Variants in MAST2 observed in about 807,000 individuals in gnomAD.
MAST2 encodes microtubule associated serine/threonine kinase 2, also known as microtubule-associated serine/threonine-protein kinase 2.
In MAST2, 70 loss-of-function variants were observed where a neutral mutation model predicts 147.4. The observed-to-expected ratio is 0.47, with a 90% CI of 0.39 to 0.58. The LOEUF is 0.58. MAST2 is among the 20% of genes least tolerant of loss of function. MAST2 has a pLI of 0.00. For synonymous variants in MAST2, 869 were observed against 896.8 expected (o/e 0.97, Z 0.55); for missense variants, 2,080 against 2,302.3 (o/e 0.90, Z 1.98).
intron 19 of MAST2, 107 bp from the exon 20 acceptor site, chr1:46,029,724 T>C: frequency 1.4e-6 from 2 of 1,448,352 alleles, no homozygotes; most frequent in Admixed American, 1.9e-5. Flanking sequence ...ATGCTTGAGC[T>C]GATCCCCTAG....
chr1:45,962,944 G>A (rs1450091182), intron 5 of MAST2, among the ~76,000 whole-genome samples: 6 of 152,112 alleles, frequency 3.9e-5, no homozygotes, highest in African/African-American at 9.7e-5. Context: ...TTTTGTATAC[G>A]GTGTAAGGAA....
intron 10 of MAST2, among the ~76,000 whole-genome samples, chr1:46,017,343 A>G (rs951968169): frequency 3.3e-5 from 5 of 152,240 alleles, no homozygotes; most frequent in Non-Finnish European, 5.9e-5. Context: ...ATTAAACGAA[A>G]GAGCTGCTGC....
At chr1:45,804,273 T>C (rs1054331381) in intron 1 of MAST2, among the ~76,000 whole-genome samples, 3 of 150,640 alleles carry the variant, frequency 2.0e-5, no homozygotes, top group Non-Finnish European at 4.4e-5. Context: ...GAAATGGGGG[T>C]GTAGAAGAAT....
rs768061222 is a variant in MAST2, at chr1:46,035,258, G to C, written c.4589G>C (p.Ser1530Thr). ...AGCTTGGCACCTCACCCAGAAGTGAGCCAGAGTGTGGCCCCTAAAGGAGCA... is the reference window on the plus strand; with the variant it reads ...AGCTTGGCACCTCACCCAGAAGTGACCCAGAGTGTGGCCCCTAAAGGAGCA... ...ELSLAPHPEV[S>T]QSVAPKGAGE... The change falls in exon 29 of 29, where the codon AGC becomes ACC. Residue 1530 changes from serine (S) to threonine (T), a missense_variant. By Grantham distance (58) the Ser-to-Thr change is moderately conservative (BLOSUM62 1). Around this residue, in one of 4 missense-constraint regions of MAST2, gnomAD observed 1,278 missense variants for 1,304.2 expected, o/e 0.98. Transcript: ENST00000361297. This position sits in a 1 kb window ranked among gnomAD's most constrained non-coding sequence, Gnocchi z 5.5. 6.2e-7 allele frequency: 1 copy of C among 1,614,056 alleles called. No homozygotes were observed. The highest frequency in any genetic ancestry group is 2.2e-5 in the East Asian group (1 of 44,876).
At chr1:45,963,325 G>A (rs968551881) in intron 5 of MAST2, among the ~76,000 whole-genome samples, 5 of 152,080 alleles carry the variant, frequency 3.3e-5, no homozygotes, top group African/African-American at 7.2e-5. Context: ...CTTGATGGGG[G>A]TGGCATTGAA....
chr1:45,941,747 G>T (rs772288568), intron 4 of MAST2, among the ~76,000 whole-genome samples: 1 of 151,916 alleles, frequency 6.6e-6, no homozygotes, highest in Non-Finnish European at 1.5e-5. Flanking sequence ...AATAGAAGTG[G>T]TAGAAGCCAA....
At position 46,023,724 on chromosome 1, in the gene MAST2, C is replaced by T. The variant is rs1156431800; in HGVS notation, c.1572-48C>T. The T allele has an allele frequency of 4.5e-6, 7 of 1,570,852 alleles. No homozygotes were observed. Among genetic ancestry groups the T allele is most frequent in the Non-Finnish European group, 6.1e-6 (7 of 1,147,862 alleles). On this transcript the variant is annotated intron_variant, in intron 14 of 28. Coordinates refer to ENST00000361297, the MANE Select transcript of MAST2 (RefSeq NM_015112.3). The surrounding 1 kb of genome is among the most constrained non-coding windows in gnomAD (Gnocchi z 4.9). ...GCAGTTTGGGTGGCAGAGAGCACAG[C>T]TCAGGTGCTGAGGGTCCATGGGGGA...
chr1:45,859,054 G>T (rs1645890590), intron 3 of MAST2, among the ~76,000 whole-genome samples: 1 of 152,162 alleles, frequency 6.6e-6, no homozygotes, highest in African/African-American at 2.4e-5. Context: ...AATGCCTCCA[G>T]CTTTGTTCTT....
rs951004730 is a variant in MAST2, at chr1:46,013,183, A to G, written c.1188+2244A>G. 7.9e-5 allele frequency among the ~76,000 whole-genome samples: 12 copies of G among 152,298 alleles called. No individual in the cohort carries two copies. In the East Asian group the frequency reaches 2.3e-3, roughly 29 times the overall value. The stretch of plus-strand genomic sequence containing the variant: ...CTGGTTAAATCTTCACAACCGTGTA[A>G]GAAAGGTACTTAATATTATTTCCTA... On this transcript the variant is annotated intron_variant, in intron 10 of 28. Coordinates refer to ENST00000361297, the MANE Select transcript of MAST2 (RefSeq NM_015112.3).
chr1:45,852,234 A>G (rs1645644839), intron 3 of MAST2, among the ~76,000 whole-genome samples: 1 of 152,216 alleles, frequency 6.6e-6, no homozygotes, highest in African/African-American at 2.4e-5. Flanking sequence ...CACCACCACA[A>G]TCAACATACA....
chr1:45,895,311 TTTTATGGGCA>T (rs1476071380), intron 4 of MAST2, among the ~76,000 whole-genome samples: 4 of 152,232 alleles, frequency 2.6e-5, no homozygotes, highest in African/African-American at 9.6e-5. Context: ...TAAGTTTTTT[TTTTATGGGCA>T]TATGTTTTCA....
intron 6 of MAST2, among the ~76,000 whole-genome samples, chr1:46,001,436 G>A (rs1645269995): frequency 6.6e-6 from 1 of 152,206 alleles, no homozygotes; most frequent in Non-Finnish European, 1.5e-5. Context: ...TATTTGACAA[G>A]GGTTTGGGAA....
intron 5 of MAST2, among the ~76,000 whole-genome samples, chr1:45,984,441 C>A (rs1644534393): frequency 6.6e-6 from 1 of 151,712 alleles, no homozygotes; most frequent in South Asian, 2.1e-4. Flanking sequence ...TAAGTACGAC[C>A]ACAGATGCAC....
At chr1:45,819,668 T>C (rs1644561454) in intron 1 of MAST2, among the ~76,000 whole-genome samples, 1 of 151,986 alleles carries the variant, frequency 6.6e-6, no homozygotes, top group South Asian at 2.1e-4. Context: ...ATGAAAACTA[T>C]TAAACACTGA....
chr1:46,022,695 C>T (rs1040905242), intron 12 of MAST2, among the ~76,000 whole-genome samples: 1 of 152,198 alleles, frequency 6.6e-6, no homozygotes, highest in Non-Finnish European at 1.5e-5. Flanking sequence ...TGGCAATGGA[C>T]TTCTGGAAAT....
intron 3 of MAST2, among the ~76,000 whole-genome samples, chr1:45,863,435 TGGAAA>T (rs1360024832): frequency 6.6e-6 from 1 of 152,144 alleles, no homozygotes; most frequent in African/African-American, 2.4e-5. Flanking sequence ...AAGGAATCCG[TGGAAA>T]TGTGGATTTA....
intron 9 of MAST2, among the ~76,000 whole-genome samples, chr1:46,010,056 C>T (rs1461942120): frequency 9.9e-5 from 15 of 152,168 alleles, no homozygotes; most frequent in Admixed American, 9.8e-4. Flanking sequence ...ATCCACAGTC[C>T]CCCCATTCCA....
At chr1:45,857,476 T>G (rs1645826608) in intron 3 of MAST2, among the ~76,000 whole-genome samples, 1 of 152,206 alleles carries the variant, frequency 6.6e-6, no homozygotes, top group Non-Finnish European at 1.5e-5. Flanking sequence ...AAAAGAATCC[T>G]TTGTTGAGAA....
intron 1 of MAST2, among the ~76,000 whole-genome samples, chr1:45,806,204 C>T (rs1181633726): frequency 6.6e-6 from 1 of 152,206 alleles, no homozygotes; most frequent in Non-Finnish European, 1.5e-5. Context: ...TGTAACCTCC[C>T]TCACCACCTC....
Sources: gnomAD v4.1 joint callset for allele counts (sites outside exome capture counted in the v4.1 genomes callset) on GRCh38, gnomAD v4.1.1 for gene constraint, gnomAD v4.1.1 regional missense constraint, Gnocchi (gnomAD v3.1) non-coding constraint, MANE v1.5 for transcripts, NCBI Gene and HGNC (gene_info 2026-07-23, HGNC 2026-07-21) for gene names.